Variants in SFXN5 observed in about 807,000 individuals in gnomAD.
SFXN5 encodes sideroflexin 5.
SFXN5 carries 43 observed loss-of-function variants against 50.2 expected under a neutral mutation model. The ratio of observed to expected loss-of-function variants is 0.86; its 90% CI spans 0.67 to 1.11. SFXN5 has a LOEUF of 1.11. SFXN5 is among the 50% of genes least tolerant of loss of function. The pLI is 0.00. For missense variants in SFXN5, 463 were observed against 454.1 expected, an observed-to-expected ratio of 1.02 and a Z score of -0.18; for synonymous variants, 203 against 185.8, an observed-to-expected ratio of 1.09 and a Z score of -0.75.
At chr2:73,003,137 G>C (rs1674136824) in intron 6 of SFXN5, among the ~76,000 whole-genome samples, 2 of 151,748 alleles carry the variant, frequency 1.3e-5, no homozygotes, top group Non-Finnish European at 2.9e-5. Context: ...CCTAGCGGGG[G>C]TGGGGATGGG....
Position 72,978,726 on chromosome 2 carries a change from C to T in SFXN5, c.626-7041G>A, listed in dbSNP as rs1574015684. Among the ~76,000 whole-genome samples, 7 of 152,224 alleles carry T rather than the reference C, an allele frequency of 4.6e-5. No individual in the cohort carries two copies. In the South Asian group the frequency reaches 1.4e-3, roughly 31 times the overall value. On this transcript the variant is annotated intron_variant, in intron 10 of 13. Coordinates refer to ENST00000272433, the MANE Select transcript of SFXN5 (RefSeq NM_144579.3). ...ATAAAGCTAGAAACGTATGTACCCT[C>T]TAATGTGTCCATTCCATGTCTGGGT...
At chr2:73,049,859 G>T (rs755175392) in intron 2 of SFXN5, 6 of 151,816 alleles carry the variant, frequency 4.0e-5, no homozygotes, top group Non-Finnish European at 7.4e-5. Flanking sequence ...AGACCCAAAG[G>T]TGTGATTCAT....
rs765657983 is a variant in SFXN5 at position 73,071,610 on chromosome 2, G to A, written c.96C>T (p.Phe32=). The part of the protein sequence containing the change: ...APPFQLGKPR[F]QQTSFYGRFR... ...ACCACAGCCCGGTCCTCACCTGCTG[G>A]AAGCGGGGTTTGCCCAGTTGGAAAG... is the stretch of plus-strand genomic sequence containing the variant. Residue 32 remains phenylalanine, a synonymous_variant, in exon 1 of 14, where the codon TTC becomes TTT. Coordinates refer to ENST00000272433, the MANE Select transcript of SFXN5 (RefSeq NM_144579.3). 6.2e-7 allele frequency: 1 copy of A among 1,613,742 alleles called. No individual in the cohort carries two copies. Among genetic ancestry groups the A allele is most frequent in the South Asian group, 1.1e-5 (1 of 91,046 alleles).
At chr2:72,967,826 C>A (rs1290228140) in intron 12 of SFXN5, among the ~76,000 whole-genome samples, 1 of 152,188 alleles carries the variant, frequency 6.6e-6, no homozygotes, top group East Asian at 1.9e-4. Context: ...GAGTTTCAGT[C>A]CGCCCCTTCA....
Position 73,026,760 on chromosome 2 carries a change from C to T in SFXN5, c.250-3546G>A, listed in dbSNP as rs1196355599. ...TTATTATTTTTGAGATGGAGTTTCA[C>T]TCTTGTTGCCCAGGCTGGAGTGCAA... On this transcript the variant is annotated intron_variant, in intron 3 of 13. Transcript: ENST00000272433. Among the ~76,000 whole-genome samples the T allele has an allele frequency of 2.0e-5, 3 of 151,718 alleles. No individual in the cohort carries two copies. The East Asian group carries it at 5.8e-4, about 29-fold the overall frequency.
chr2:72,949,284 CAGA>C (rs1672279128), intron 13 of SFXN5, among the ~76,000 whole-genome samples: 1 of 152,030 alleles, frequency 6.6e-6, no homozygotes. Context: ...TAGGGAGCCA[CAGA>C]AGGACTTTGA....
intron 1 of SFXN5, among the ~76,000 whole-genome samples, chr2:73,058,814 G>A (rs183636586): frequency 2.0e-5 from 3 of 152,246 alleles, no homozygotes; most frequent in Non-Finnish European, 4.4e-5. Flanking sequence ...AGATACTCAA[G>A]GACAGGCCCA....
chr2:72,947,098 T>C (rs1672033852), intron 13 of SFXN5, among the ~76,000 whole-genome samples: 1 of 152,210 alleles, frequency 6.6e-6, no homozygotes, highest in South Asian at 2.1e-4. Flanking sequence ...ACGCTGGGCG[T>C]GGCCACCTCT....
At chr2:73,066,911 GGCACACC>G (rs1207676859) in intron 1 of SFXN5, among the ~76,000 whole-genome samples, 1 of 152,162 alleles carries the variant, frequency 6.6e-6, no homozygotes, top group Non-Finnish European at 1.5e-5. Flanking sequence ...CACGCATGGT[GGCACACC>G]CCTGTAGTTC....
In SFXN5 at chr2:72,944,788, A is replaced by G; in HGVS notation, c.*234T>C. On this transcript the variant is annotated 3_prime_UTR_variant, in exon 14 of 14. Transcript: ENST00000272433. Reference sequence around the variant, plus strand: ...AGTGGAGTTTTGACAACCCCACATAAGGCCCAGAAATGCACTTGATTATTT... The same window carrying G: ...AGTGGAGTTTTGACAACCCCACATAGGGCCCAGAAATGCACTTGATTATTT... 1 of 498,184 alleles carries G rather than the reference A, an allele frequency of 2.0e-6. No individual in the cohort carries two copies. The highest frequency in any genetic ancestry group is 3.2e-5 in the South Asian group (1 of 31,478). 30.9% of individuals were successfully genotyped at this position (498,184 alleles called of 1,614,324 possible).
chr2:73,070,160 C>A (rs1040958384), intron 1 of SFXN5, among the ~76,000 whole-genome samples: 1 of 152,092 alleles, frequency 6.6e-6, no homozygotes, highest in Non-Finnish European at 1.5e-5. Context: ...GGGGTGGGAG[C>A]GGGGACAGGC....
In SFXN5 at chr2:72,945,101, T is replaced by C; in HGVS notation, c.946-2A>G. On this transcript the variant is annotated splice_acceptor_variant, in intron 13 of 13. Transcript: ENST00000272433. LOFTEE classifies it high-confidence loss of function. The surrounding 1 kb of genome is among the most constrained non-coding windows in gnomAD (Gnocchi z 5.8). ...CGGCTCTAATTGGGATGTTTCAATC[T>C]GTGGAGAGAGAACAGAGAGGAAAAG... The C allele has an allele frequency of 6.2e-7, 1 of 1,613,678 alleles. No homozygotes were observed.
At chr2:72,987,337 T>C (rs1672038346) in intron 10 of SFXN5, among the ~76,000 whole-genome samples, 2 of 151,626 alleles carry the variant, frequency 1.3e-5, no homozygotes, top group Non-Finnish European at 2.9e-5. Context: ...CTTGATCTCC[T>C]GACCTCATGA....
chr2:72,997,628 C>G (rs1474471336), intron 9 of SFXN5: 3 of 151,348 alleles, frequency 2.0e-5, no homozygotes, highest in African/African-American at 7.3e-5. Context: ...CTCACTCTGT[C>G]GCCCAGGCTG....
rs1670563595 is a variant in SFXN5, at chr2:72,975,867, T to C, written c.626-4182A>G. Reference sequence around the variant, plus strand: ...GCAATGCAATTAAAGACAGTAGAAATTGCCAAACCATAGATAGCTACCCTA... The same window carrying C: ...GCAATGCAATTAAAGACAGTAGAAACTGCCAAACCATAGATAGCTACCCTA... On this transcript the variant is annotated intron_variant, in intron 10 of 13. Coordinates refer to ENST00000272433, the MANE Select transcript of SFXN5 (RefSeq NM_144579.3). Among the ~76,000 whole-genome samples the C allele has an allele frequency of 2.0e-5, 3 of 152,188 alleles. 1 individual carries two copies. The highest frequency in any genetic ancestry group is 4.1e-4 in the South Asian group (2 of 4,830).
intron 3 of SFXN5, among the ~76,000 whole-genome samples, chr2:73,034,101 T>A (rs1208470187): frequency 6.6e-6 from 1 of 152,208 alleles, no homozygotes; most frequent in Non-Finnish European, 1.5e-5. Context: ...TATAGGCAGA[T>A]CATCCAGGAG....
At chr2:72,986,934 A>T (rs1407489512) in intron 10 of SFXN5, among the ~76,000 whole-genome samples, 1 of 152,208 alleles carries the variant, frequency 6.6e-6, no homozygotes, top group Non-Finnish European at 1.5e-5. Flanking sequence ...CTTGAAACCT[A>T]GACTAGCAGA....
At chr2:73,004,354 CCTT>C (rs1463513053) in intron 6 of SFXN5, among the ~76,000 whole-genome samples, 2 of 151,308 alleles carry the variant, frequency 1.3e-5, no homozygotes, top group African/African-American at 2.4e-5. Flanking sequence ...CACACACACT[CCTT>C]AACCACAATA....
intron 1 of SFXN5, 132 bp from the exon 2 acceptor site, chr2:73,058,728 C>T: frequency 1.3e-6 from 1 of 759,044 alleles, no homozygotes; most frequent in Non-Finnish European, 2.2e-6. Context: ...TGATAAATGC[C>T]AATGAGGCCT....
Sources: allele counts gnomAD v4.1 joint callset (sites outside exome capture counted in the v4.1 genomes callset), GRCh38; gene constraint gnomAD v4.1.1; non-coding constraint Gnocchi (gnomAD v3.1); transcripts MANE v1.5; gene names NCBI Gene and HGNC (gene_info 2026-07-23, HGNC 2026-07-21).